The following MDH1B variants were observed in gnomAD, a reference collection of about 807,000 sequenced individuals.
MDH1B encodes the protein malate dehydrogenase 1B.
MDH1B carries 60 observed loss-of-function variants against 61.4 expected under a neutral mutation model. That is an observed-to-expected ratio of 0.98 (90% CI 0.79 to 1.21). The LOEUF (loss-of-function observed/expected upper bound fraction) is 1.21. Ranked by LOEUF, MDH1B falls within the 50% of genes most tolerant of loss-of-function variation. The pLI is 0.00. For missense variants in MDH1B, 587 were observed against 632.1 expected (o/e 0.93, Z 0.76); for synonymous variants, 236 against 218.7 (o/e 1.08, Z -0.70).
Position 206,760,968 on chromosome 2 carries a change from T to G in MDH1B, c.68A>C (p.Asp23Ala), listed in dbSNP as rs1171535647. 6.2e-7 allele frequency: 1 copy of G among 1,612,892 alleles called. No homozygotes were observed. Among genetic ancestry groups the G allele is most frequent in the Middle Eastern group, 1.7e-4 (1 of 6,056 alleles). Reference sequence around the variant, plus strand: ...ATCAGGAAGATTCTTTTGTAAATAGTCTGCCACAAGTTCTGTTTTAGCATA... The same window carrying G: ...ATCAGGAAGATTCTTTTGTAAATAGGCTGCCACAAGTTCTGTTTTAGCATA... ...PYYAKTELVA[D>A]YLQKNLPDFR... The change falls in exon 2 of 12, where the codon GAC becomes GCC. Residue 23 changes from aspartate to alanine, a missense_variant. By Grantham distance (126) the Asp-to-Ala change is moderately radical. Coordinates refer to ENST00000374412, the MANE Select transcript of MDH1B (RefSeq NM_001039845.3).
At chr2:206,745,483 T>C (rs1688051738) in intron 9 of MDH1B, 139 bp downstream of exon 9, 1 of 697,250 alleles carries the variant, frequency 1.4e-6, no homozygotes. Context: ...ACATTGAACT[T>C]AACAGTTTAT....
intron 7 of MDH1B, among the ~76,000 whole-genome samples, chr2:206,747,349 A>C (rs1688176132): frequency 6.6e-6 from 1 of 152,228 alleles, no homozygotes; most frequent in South Asian, 2.1e-4. Context: ...TCAGAGAGAC[A>C]GATAATGATC....
intron 9 of MDH1B, among the ~76,000 whole-genome samples, chr2:206,742,980 G>T (rs1303121060): frequency 6.6e-6 from 1 of 152,132 alleles, no homozygotes; most frequent in Non-Finnish European, 1.5e-5. Flanking sequence ...CTCCCAAAGT[G>T]CTGGGATTAC....
chr2:206,757,861 A>ACTGCACCCCCTG (rs1688852941), intron 2 of MDH1B, among the ~76,000 whole-genome samples: 3 of 152,236 alleles, frequency 2.0e-5, no homozygotes, highest in African/African-American at 7.2e-5. Flanking sequence ...TATTTATCAG[A>ACTGCACCCCCTG]AAAAATTTAA....
In MDH1B at chr2:206,757,261, A is replaced by T; in HGVS notation, c.246T>A (p.Tyr82Ter). The stretch of plus-strand genomic sequence containing the variant: ...CCTGAGCATGCTCCAGGAACTCATT[A>T]TATCCTCCCAAAAGCAAACCCTTTC... The part of the protein sequence containing the change: ...RGGKGLLLGG[Y>*]NEFLEHAQLY... The change falls in exon 3 of 12, where the codon TAT becomes TAA. Residue 82 changes from tyrosine (Y) to a stop codon, truncating the protein, a stop_gained. Coordinates refer to ENST00000374412, the MANE Select transcript of MDH1B (RefSeq NM_001039845.3). LOFTEE classifies it high-confidence loss of function. 1 of 1,613,938 alleles carries T rather than the reference A, an allele frequency of 6.2e-7. No individual in the cohort carries two copies. Among genetic ancestry groups the T allele is most frequent in the Non-Finnish European group, 8.5e-7 (1 of 1,179,840 alleles).
At chr2:206,763,229 C>G (rs1290672379) in intron 1 of MDH1B, among the ~76,000 whole-genome samples, 3 of 145,824 alleles carry the variant, frequency 2.1e-5, no homozygotes, top group Non-Finnish European at 4.4e-5. Context: ...GAGTATTAAA[C>G]CTACTCATCC....
At position 206,760,933 on chromosome 2, in the gene MDH1B, G is replaced by T. The variant is rs1268196631; in HGVS notation, c.103C>A (p.His35Asn). 3 of 1,612,146 alleles carry T rather than the reference G, an allele frequency of 1.9e-6. No individual in the cohort carries two copies. Among genetic ancestry groups the T allele is most frequent in the African/African-American group, 2.7e-5 (2 of 74,874 alleles). The change falls in exon 2 of 12, where the codon CAT becomes AAT. Residue 35 changes from histidine (H) to asparagine (N), a missense_variant. Physicochemically the swap from His to Asn is moderately conservative, Grantham distance 68. Transcript: ENST00000374412. ...ACCTCAGGACGTTGTGTGATTTTAT[G>T]TATCCGAAAATCAGGAAGATTCTTT... Reference protein sequence around the residue: ...LQKNLPDFRIHKITQRPEVWE... With the variant: ...LQKNLPDFRINKITQRPEVWE...
At chr2:206,738,663 A>G in intron 11 of MDH1B, 152 bp from the exon 12 acceptor site, 1 of 533,656 alleles carries the variant, frequency 1.9e-6, no homozygotes, top group South Asian at 3.4e-5. Context: ...GGGGAAATAA[A>G]GCCATGAGAT....
chr2:206,745,544 A>T, intron 9 of MDH1B, 78 bp downstream of exon 9: 1 of 1,063,358 alleles, frequency 9.4e-7, no homozygotes, highest in Non-Finnish European at 1.4e-6. Flanking sequence ...TATTCATATT[A>T]ACAGTGATTC....
At position 206,749,182 on chromosome 2, in the gene MDH1B, C is replaced by T; in HGVS notation, c.1054G>A (p.Glu352Lys). 1 of 1,613,678 alleles carries T rather than the reference C, an allele frequency of 6.2e-7. No homozygotes were observed. Among genetic ancestry groups the T allele is most frequent in the East Asian group, 2.2e-5 (1 of 44,854 alleles). ...RPVLNLIFDSEWVKREFVAIL... is the reference protein window; with the variant it reads ...RPVLNLIFDSKWVKREFVAIL... ...GCCACAAATTCTCTTTTTACCCACT[C>T]ACTGTAAGGAGAGAAAGAAACAATT... is the stretch of plus-strand genomic sequence containing the variant. Residue 352 changes from glutamate to lysine, a missense_variant and splice_region_variant, in exon 7 of 12, where the codon GAG becomes AAG. By Grantham distance (56) the Glu-to-Lys change is moderately conservative (BLOSUM62 1). Coordinates refer to ENST00000374412, the MANE Select transcript of MDH1B (RefSeq NM_001039845.3).
At chr2:206,762,780 G>A (rs946936930) in intron 1 of MDH1B, among the ~76,000 whole-genome samples, 3 of 152,070 alleles carry the variant, frequency 2.0e-5, no homozygotes, top group Non-Finnish European at 2.9e-5. Context: ...GATACTTTCC[G>A]ATCCTTTTCT....
chr2:206,752,296 A>G (rs1300904250), intron 5 of MDH1B, among the ~76,000 whole-genome samples: 1 of 152,184 alleles, frequency 6.6e-6, no homozygotes, highest in Admixed American at 6.5e-5. Context: ...ATATCACTCA[A>G]CCACTCCTAG....
rs1559330126 is a variant in MDH1B, at chr2:206,741,054, CATCTGA to C, written c.1453_1458del (p.Ser485_Asp486del). ...ATTGTTTATAACCCCACTGACTTAC[CATCTGA>C]CATAGCTAGATTTTTTTCTTCATCA... On this transcript the variant is annotated inframe_deletion and splice_region_variant, in exon 10 of 12. Transcript: ENST00000374412. 7 of 1,613,134 alleles carry C rather than the reference CATCTGA, an allele frequency of 4.3e-6. No individual in the cohort carries two copies. The highest frequency in any genetic ancestry group is 5.9e-6 in the Non-Finnish European group (7 of 1,179,552).
At chr2:206,749,297 A>G (rs1688305318) in intron 6 of MDH1B, 114 bp from the exon 7 acceptor site, 2 of 809,848 alleles carry the variant, frequency 2.5e-6, no homozygotes, top group Admixed American at 2.8e-5. Flanking sequence ...GTCAAAATAG[A>G]AATACAGCTT....
chr2:206,738,995 C>T (rs369188034), intron 11 of MDH1B, among the ~76,000 whole-genome samples: 3 of 152,278 alleles, frequency 2.0e-5, no homozygotes, highest in Admixed American at 1.3e-4. Flanking sequence ...AAGAAATCTA[C>T]GTCAGCTTTG....
chr2:206,739,329 G>A (rs990283717), intron 11 of MDH1B, among the ~76,000 whole-genome samples: 7 of 151,942 alleles, frequency 4.6e-5, no homozygotes, highest in Admixed American at 3.3e-4. Context: ...GTTGGGAGGG[G>A]CACAAATCTA....
intron 9 of MDH1B, chr2:206,745,227 A>T (rs1221769760): frequency 3.0e-6 from 1 of 329,772 alleles, no homozygotes; most frequent in East Asian, 8.5e-5. Context: ...AGAAAAAGCA[A>T]GAAGGAATTC....
chr2:206,756,706 T>G, intron 4 of MDH1B, 192 bp downstream of exon 4: 1 of 585,682 alleles, frequency 1.7e-6, no homozygotes, highest in Non-Finnish European at 2.9e-6. Context: ...AACTCATTTA[T>G]GAGTTATATG....
chr2:206,744,762 T>C (rs1688000685), intron 9 of MDH1B, among the ~76,000 whole-genome samples: 1 of 151,484 alleles, frequency 6.6e-6, no homozygotes, highest in Non-Finnish European at 1.5e-5. Flanking sequence ...TCGTCTCTAC[T>C]AAAAATACAA....
Sources: gnomAD v4.1 joint callset for allele counts (sites outside exome capture counted in the v4.1 genomes callset) on GRCh38, gnomAD v4.1.1 for gene constraint, MANE v1.5 for transcripts, NCBI Gene and HGNC (gene_info 2026-07-23, HGNC 2026-07-21) for gene names.